The following CNTNAP2 variants were observed in gnomAD, a reference collection of about 807,000 sequenced individuals.
CNTNAP2 encodes contactin-associated protein-like 2.
Under a neutral mutation model 155.2 loss-of-function variants are expected in CNTNAP2, and 98 were observed. That is an observed-to-expected ratio of 0.63 (90% CI 0.54 to 0.75). The LOEUF (loss-of-function observed/expected upper bound fraction) is 0.75, where lower values mean the gene tolerates loss of function less well. Ranked by LOEUF, CNTNAP2 falls within the 30% of genes least tolerant of loss-of-function variation. The pLI is 0.00. For missense variants in CNTNAP2, 1,727 were observed against 1,688.1 expected, an observed-to-expected ratio of 1.02 and a Z score of -0.40; for synonymous variants, 651 against 631.2, an observed-to-expected ratio of 1.03 and a Z score of -0.47.
At chr7:146,392,412 G>A (rs963595305) in intron 1 of CNTNAP2, among the ~76,000 whole-genome samples, 1 of 151,984 alleles carries the variant, frequency 6.6e-6, no homozygotes, top group Non-Finnish European at 1.5e-5. Context: ...ATGATGTAAA[G>A]GATAAAGAAG....
intron 21 of CNTNAP2, among the ~76,000 whole-genome samples, chr7:148,367,515 C>T (rs1312016696): frequency 6.6e-6 from 1 of 151,744 alleles, no homozygotes; most frequent in African/African-American, 2.4e-5. Context: ...GCAAAAGTGC[C>T]TAGGGCCTGT....
intron 4 of CNTNAP2, among the ~76,000 whole-genome samples, chr7:147,049,927 ACT>A (rs1401436704): frequency 6.6e-6 from 1 of 151,990 alleles, no homozygotes; most frequent in East Asian, 1.9e-4. Context: ...TAAGACGCTG[ACT>A]CTATTCCAGG....
At position 147,382,434 on chromosome 7, in the gene CNTNAP2, C is replaced by A. The variant is rs1665554034; in HGVS notation, c.1499-13175C>A. ...AGAGTGAGGATGGAAGTGCCAGGAT[C>A]AACTCTTGATTGATTAATATGCACA... On this transcript the variant is annotated intron_variant, in intron 9 of 23. Coordinates refer to ENST00000361727, the MANE Select transcript of CNTNAP2 (RefSeq NM_014141.6). Among the ~76,000 whole-genome samples, 4 of 152,278 alleles carry A rather than the reference C, an allele frequency of 2.6e-5. No individual in the cohort carries two copies. In the South Asian group the frequency reaches 8.3e-4, roughly 32 times the overall value.
chr7:146,873,127 A>G lies in CNTNAP2; in HGVS notation c.402+33223A>G, dbSNP rs140106915. Among the ~76,000 whole-genome samples the G allele has an allele frequency of 3.4e-3, 518 of 152,280 alleles. 5 individuals are homozygous for G. Among genetic ancestry groups the G allele is most frequent in the African/African-American group, 0.012 (490 of 41,564 alleles). On this transcript the variant is annotated intron_variant, in intron 3 of 23. Transcript: ENST00000361727. ...AGAATTGTTGATGTCTTTTCAATGCATTGGGTGGATTTAGACCACTGCATT... is the reference window on the plus strand; with the variant it reads ...AGAATTGTTGATGTCTTTTCAATGCGTTGGGTGGATTTAGACCACTGCATT...
intron 4 of CNTNAP2, among the ~76,000 whole-genome samples, chr7:147,077,784 G>A (rs117593566): frequency 0.01 from 1,586 of 152,196 alleles, 19 homozygotes; most frequent in Middle Eastern, 0.037. Context: ...TCATAATAGG[G>A]TGATTATGAG....
chr7:146,162,285 G>A lies in CNTNAP2; in HGVS notation c.97+45312G>A, dbSNP rs1320191573. Among the ~76,000 whole-genome samples the A allele has an allele frequency of 3.3e-5, 5 of 152,050 alleles. No homozygotes were observed. In the East Asian group the frequency reaches 5.8e-4, roughly 18 times the overall value. On this transcript the variant is annotated intron_variant, in intron 1 of 23. Coordinates refer to ENST00000361727, the MANE Select transcript of CNTNAP2 (RefSeq NM_014141.6). ...CCATCTGACAAAGGGCTAATATCCA[G>A]AATCTACAAAGAACAAATTTACAAG...
intron 3 of CNTNAP2, among the ~76,000 whole-genome samples, chr7:146,969,679 A>G (rs1440896194): frequency 1.3e-5 from 2 of 151,960 alleles, no homozygotes; most frequent in East Asian, 1.9e-4. Flanking sequence ...ATCTTCCTCC[A>G]TCCTTTTATT....
intron 8 of CNTNAP2, among the ~76,000 whole-genome samples, chr7:147,272,599 C>G (rs1018797397): frequency 1.3e-5 from 2 of 151,876 alleles, no homozygotes; most frequent in South Asian, 2.1e-4. Context: ...CCCGGGTTCA[C>G]GCCATTCTCC....
chr7:147,232,329 C>G (rs1803698959), intron 8 of CNTNAP2, among the ~76,000 whole-genome samples: 1 of 152,186 alleles, frequency 6.6e-6, no homozygotes, highest in East Asian at 1.9e-4. Context: ...CACAGAAATG[C>G]CACAGAAAAG....
intron 1 of CNTNAP2, among the ~76,000 whole-genome samples, chr7:146,540,545 T>G (rs1797935102): frequency 6.6e-6 from 1 of 152,070 alleles, no homozygotes; most frequent in Admixed American, 6.6e-5. Flanking sequence ...AGTTACTACC[T>G]CTAATTTCTT....
rs549508197 is a variant in CNTNAP2, at chr7:148,327,845, C to A, written c.3476-55804C>A. Among the ~76,000 whole-genome samples, 351 of 152,280 alleles carry A rather than the reference C, an allele frequency of 2.3e-3. 1 individual carries two copies. Among genetic ancestry groups the A allele is most frequent in the African/African-American group, 7.9e-3 (329 of 41,568 alleles). ...GATCACAGATCCCCCCACTGCCCTG[C>A]ACCGCCCCCACCCCTTTCTCATGGA... On this transcript the variant is annotated intron_variant, in intron 21 of 23. Transcript: ENST00000361727.
chr7:146,537,372 A>G (rs368953888), intron 1 of CNTNAP2, among the ~76,000 whole-genome samples: 16 of 152,254 alleles, frequency 1.1e-4, no homozygotes, highest in African/African-American at 3.8e-4. Context: ...AATCTCCTAA[A>G]CATATAATTT....
intron 15 of CNTNAP2, among the ~76,000 whole-genome samples, chr7:148,028,977 TCCAAATAAAATC>T (rs1395152016): frequency 6.6e-6 from 1 of 152,162 alleles, no homozygotes; most frequent in Non-Finnish European, 1.5e-5. Context: ...TTCATATGTC[TCCAAATAAAATC>T]CCAATCATAT....
chr7:147,864,087 C>G (rs1264167999), intron 13 of CNTNAP2, among the ~76,000 whole-genome samples: 1 of 151,896 alleles, frequency 6.6e-6, no homozygotes, highest in African/African-American at 2.4e-5. Flanking sequence ...TTTAATCCAT[C>G]TTGAATTAAT....
At chr7:146,699,174 C>A (rs141546351) in intron 1 of CNTNAP2, among the ~76,000 whole-genome samples, 218 of 152,056 alleles carry the variant, frequency 1.4e-3, no homozygotes, top group African/African-American at 4.9e-3. Flanking sequence ...TTTAACTTGC[C>A]TTGTAAAATA....
At chr7:148,117,767 T>C (rs1238656143) in intron 15 of CNTNAP2, among the ~76,000 whole-genome samples, 1 of 151,778 alleles carries the variant, frequency 6.6e-6, no homozygotes, top group Non-Finnish European at 1.5e-5. Flanking sequence ...ACCCCAACTA[T>C]ATCAATCTTT....
At chr7:146,551,959 T>C (rs1357628253) in intron 1 of CNTNAP2, among the ~76,000 whole-genome samples, 1 of 152,056 alleles carries the variant, frequency 6.6e-6, no homozygotes, top group Non-Finnish European at 1.5e-5. Context: ...TACAATCTCC[T>C]CAATTTCAAC....
At chr7:146,801,508 G>C (rs1802877277) in intron 2 of CNTNAP2, among the ~76,000 whole-genome samples, 1 of 152,074 alleles carries the variant, frequency 6.6e-6, no homozygotes, top group African/African-American at 2.4e-5. Context: ...ATTTATTCAG[G>C]CATAAAAAGT....
rs116553121 is a variant in CNTNAP2 at position 148,096,499 on chromosome 7, T to G, written c.2384-21619T>G. ...TTAGACCATAAAAACATTTCAATTT[T>G]CAGGAATCCCTTATTAAAATAATTT... On this transcript the variant is annotated intron_variant, in intron 15 of 23. Coordinates refer to ENST00000361727, the MANE Select transcript of CNTNAP2 (RefSeq NM_014141.6). 4.1e-3 allele frequency among the ~76,000 whole-genome samples: 626 copies of G among 152,262 alleles called. 4 individuals carry two copies. Among genetic ancestry groups the G allele is most frequent in the African/African-American group, 0.014 (598 of 41,548 alleles).
Sources: allele counts gnomAD v4.1 joint callset (sites outside exome capture counted in the v4.1 genomes callset), GRCh38; gene constraint gnomAD v4.1.1; transcripts MANE v1.5; gene names NCBI Gene and HGNC (gene_info 2026-07-23, HGNC 2026-07-21).